The following EFCAB7 variants were observed in gnomAD, a reference collection of about 807,000 sequenced individuals.
EFCAB7 encodes EF-hand calcium-binding domain-containing protein 7.
In EFCAB7, 66 loss-of-function variants were observed where a neutral mutation model predicts 77.1. That is an observed-to-expected ratio of 0.86 (90% CI 0.70 to 1.05). The LOEUF (loss-of-function observed/expected upper bound fraction) is 1.05. EFCAB7 is among the 50% of genes least tolerant of loss of function. EFCAB7 has a pLI of 0.00. For synonymous variants in EFCAB7, 225 were observed against 243.3 expected, an observed-to-expected ratio of 0.92 and a Z score of 0.70; for missense variants, 638 against 730.5, an observed-to-expected ratio of 0.87 and a Z score of 1.46.
intron 12 of EFCAB7, chr1:63,569,311 A>T (rs1647206183): frequency 6.6e-6 from 1 of 152,222 alleles, no homozygotes; most frequent in Non-Finnish European, 1.5e-5. Context: ...GTAAAACTTG[A>T]TCTCTGCGTT....
At chr1:63,561,343 C>A (rs554419493) in intron 10 of EFCAB7, among the ~76,000 whole-genome samples, 2 of 152,272 alleles carry the variant, frequency 1.3e-5, no homozygotes, top group East Asian at 3.9e-4. Flanking sequence ...GTGGCAAATA[C>A]ATATGAAGCA....
chr1:63,526,098 A>G (rs1441076469), intron 2 of EFCAB7, among the ~76,000 whole-genome samples: 1 of 152,220 alleles, frequency 6.6e-6, no homozygotes, highest in African/African-American at 2.4e-5. Flanking sequence ...CCTGAATTTG[A>G]CCCATACTGA....
At chr1:63,536,528 A>T (rs1646765055) in intron 6 of EFCAB7, among the ~76,000 whole-genome samples, 1 of 152,080 alleles carries the variant, frequency 6.6e-6, no homozygotes, top group Admixed American at 6.6e-5. Flanking sequence ...TTACAGGAGC[A>T]TGCCACCATG....
At chr1:63,550,643 A>T (rs1279658097) in intron 7 of EFCAB7, 1 of 151,984 alleles carries the variant, frequency 6.6e-6, no homozygotes, top group African/African-American at 2.4e-5. Flanking sequence ...CATTAAAAAA[A>T]AAAAAAGAAA....
rs1162911712 is a variant in EFCAB7, at chr1:63,531,928, A to G, written c.296A>G (p.Glu99Gly). 1 of 1,613,128 alleles carries G rather than the reference A, an allele frequency of 6.2e-7. No homozygotes were observed. Among genetic ancestry groups the G allele is most frequent in the Non-Finnish European group, 8.5e-7 (1 of 1,179,448 alleles). ...FDDFCIILRKEKPTSKAELLK... is the reference protein window; with the variant it reads ...FDDFCIILRKGKPTSKAELLK... ...GATTTTTGTATAATTTTAAGGAAGG[A>G]AAAACCTACTTCAAAAGCAGAACTA... The change falls in exon 3 of 14, where the codon GAA becomes GGA. Residue 99 changes from glutamate to glycine, a missense_variant. Physicochemically the swap from Glu to Gly is moderately conservative, Grantham distance 98. Transcript: ENST00000371088.
intron 6 of EFCAB7, among the ~76,000 whole-genome samples, chr1:63,537,672 A>G (rs1646779176): frequency 6.6e-6 from 1 of 152,132 alleles, no homozygotes; most frequent in Non-Finnish European, 1.5e-5. Flanking sequence ...TTAACCTTTT[A>G]TTTTTTAAGT....
chr1:63,528,695 A>G (rs1043414964), intron 2 of EFCAB7, among the ~76,000 whole-genome samples: 4 of 152,258 alleles, frequency 2.6e-5, no homozygotes, highest in African/African-American at 9.6e-5. Context: ...ATCTCCAAAA[A>G]TTAAAGATTT....
At chr1:63,557,478 T>G (rs972165153) in intron 10 of EFCAB7, among the ~76,000 whole-genome samples, 1 of 152,218 alleles carries the variant, frequency 6.6e-6, no homozygotes, top group Non-Finnish European at 1.5e-5. Flanking sequence ...AATCATAATT[T>G]TAGTTTTGAT....
downstream of EFCAB7, among the ~76,000 whole-genome samples, chr1:63,572,999 T>C (rs145311352): frequency 0.013 from 1,929 of 152,164 alleles, 45 homozygotes; most frequent in African/African-American, 0.044. Flanking sequence ...TCACTTCTTT[T>C]GTGGTGGAAT....
In EFCAB7 at chr1:63,552,447, T is replaced by A. The variant is rs561084855; in HGVS notation, c.1056+613T>A. 1.4e-4 allele frequency among the ~76,000 whole-genome samples: 21 copies of A among 152,356 alleles called. 1 individual carries two copies. In the South Asian group the frequency reaches 4.1e-3, roughly 30 times the overall value. On this transcript the variant is annotated intron_variant, in intron 8 of 13. Transcript: ENST00000371088. Reference sequence around the variant, plus strand: ...ATTCAAGACTTTGGAAAAGCTGCTGTAGACGTTTGTCTTACTTATACTACT... The same window carrying A: ...ATTCAAGACTTTGGAAAAGCTGCTGAAGACGTTTGTCTTACTTATACTACT...
chr1:63,530,104 A>G (rs1411887669), intron 2 of EFCAB7, among the ~76,000 whole-genome samples: 1 of 152,136 alleles, frequency 6.6e-6, no homozygotes, highest in African/African-American at 2.4e-5. Context: ...ATCACCCTAT[A>G]CTATACTTGT....
chr1:63,541,365 T>C (rs1029045880), intron 6 of EFCAB7, among the ~76,000 whole-genome samples: 4 of 152,218 alleles, frequency 2.6e-5, no homozygotes, highest in African/African-American at 9.6e-5. Flanking sequence ...TACTGTTTTA[T>C]AAAGCACTAT....
intron 9 of EFCAB7, 70 bp downstream of exon 9, chr1:63,555,585 C>A: frequency 7.3e-7 from 1 of 1,374,072 alleles, no homozygotes; most frequent in Admixed American, 2.2e-5. Flanking sequence ...CTGTGTTACT[C>A]CCTTTGGCCA....
intron 10 of EFCAB7, among the ~76,000 whole-genome samples, chr1:63,558,343 AT>A (rs1046973334): frequency 2.8e-4 from 42 of 152,200 alleles, no homozygotes; most frequent in African/African-American, 9.7e-4. Flanking sequence ...GACGGTTAAC[AT>A]TTTTTGATAG....
downstream of EFCAB7, among the ~76,000 whole-genome samples, chr1:63,577,640 T>C (rs912735829): frequency 1.3e-5 from 2 of 152,214 alleles, no homozygotes; most frequent in Non-Finnish European, 2.9e-5. Context: ...GACATCCAAT[T>C]AGCATGTATC....
chr1:63,581,300 G>C, the EFCAB7 span, among the ~76,000 whole-genome samples: 3 of 150,494 alleles, frequency 2.0e-5, no homozygotes, highest in East Asian at 5.9e-4. Context: ...CAGGAGCAGT[G>C]GCTTCTGGCT....
At chr1:63,580,516 C>T in the EFCAB7 span, among the ~76,000 whole-genome samples, 2 of 152,136 alleles carry the variant, frequency 1.3e-5, no homozygotes, top group Non-Finnish European at 2.9e-5. Context: ...CATGATTTCC[C>T]CAATGGTACT....
intron 6 of EFCAB7, among the ~76,000 whole-genome samples, chr1:63,542,689 G>A (rs1160346273): frequency 1.3e-5 from 2 of 152,060 alleles, no homozygotes; most frequent in African/African-American, 4.8e-5. Flanking sequence ...GTTATGATTT[G>A]TCTTTCCTTA....
Position 63,534,205 on chromosome 1 carries a change from A to G in EFCAB7, c.793A>G (p.Asn265Asp), listed in dbSNP as rs1421006567. 1.2e-6 allele frequency: 2 copies of G among 1,612,146 alleles called. No homozygotes were observed. The highest frequency in any genetic ancestry group is 1.7e-5 in the Admixed American group (1 of 59,760). ...CCGAAACTCAAAGTTAATGGAGCCA[A>G]ATTTAATAAAGGTATAGTATTTTAA... Reference protein sequence around the residue: ...GNRNSKLMEPNLIKDWQHMQS... With the variant: ...GNRNSKLMEPDLIKDWQHMQS... The change falls in exon 6 of 14, where the codon AAT becomes GAT. Residue 265 changes from asparagine to aspartate, a missense_variant. Asn to Asp is a conservative substitution (Grantham distance 23, BLOSUM62 1). Transcript: ENST00000371088.
Sources: gnomAD v4.1 joint callset for allele counts (sites outside exome capture counted in the v4.1 genomes callset) on GRCh38, gnomAD v4.1.1 for gene constraint, MANE v1.5 for transcripts, NCBI Gene and HGNC (gene_info 2026-07-23, HGNC 2026-07-21) for gene names.